The following NBPF20 variants were observed in gnomAD, a reference collection of about 807,000 sequenced individuals.
The protein encoded by NBPF20 is NBPF member 20.
A neutral mutation model predicts 68.1 loss-of-function variants in NBPF20; 90 were observed. The observed-to-expected ratio is 1.32, with a 90% CI of 1.11 to 1.58. The LOEUF is 1.58. Among genes scored for constraint, NBPF20 ranks in the 40% most tolerant of loss-of-function variants. The pLI is 0.00. For synonymous variants in NBPF20, 290 were observed against 228.1 expected, an observed-to-expected ratio of 1.27 and a Z score of -2.45; for missense variants, 816 against 601.2, an observed-to-expected ratio of 1.36 and a Z score of -3.74.
At chr1:145,406,487 TGCTTGGTGAATG>T (rs1662796038), upstream of NBPF20, among the ~76,000 whole-genome samples, 1 of 151,760 alleles carries the variant, frequency 6.6e-6, no homozygotes, top group Non-Finnish European at 1.5e-5. Context: ...GGGATGGAGT[TGCTTGGTGAATG>T]GGTAGAAAAT....
exon 2 of NBPF20, chr1:145,405,294 G>A (rs1373038484): frequency 1.3e-6 from 2 of 1,597,212 alleles, no homozygotes; most frequent in Non-Finnish European, 8.6e-7. Context: ...TGGCAGAAGA[G>A]GTGGAGTCAG....
chr1:145,292,148 G>C (rs2101396932), intron 137 of NBPF20, among the ~76,000 whole-genome samples: 4 of 149,876 alleles, frequency 2.7e-5, no homozygotes, highest in Middle Eastern at 6.8e-3. Flanking sequence ...TCGATGCAGT[G>C]GCCATGAGAG....
chr1:145,396,878 A>C (rs1662273249), intron 7 of NBPF20, among the ~76,000 whole-genome samples: 1 of 131,434 alleles, frequency 7.6e-6, no homozygotes, highest in Non-Finnish European at 1.6e-5. Flanking sequence ...TTAACTCATC[A>C]TTTAACATTA....
At chr1:145,407,537 A>G (rs1328256682), upstream of NBPF20, among the ~76,000 whole-genome samples, 2 of 147,402 alleles carry the variant, frequency 1.4e-5, no homozygotes, top group Non-Finnish European at 3.0e-5. Flanking sequence ...GTATATATAT[A>G]ATACGTGTAT....
chr1:145,377,637 G>A (rs1307390586), intron 29 of NBPF20, among the ~76,000 whole-genome samples, 199 bp from the exon 35 acceptor site: 1 of 142,094 alleles, frequency 7.0e-6, no homozygotes, highest in Non-Finnish European at 1.5e-5. Context: ...ACAGGGAGAG[G>A]GAGGGAGAGA....
chr1:145,407,391 C>T (rs1240393370), upstream of NBPF20, among the ~76,000 whole-genome samples: 3 of 141,176 alleles, frequency 2.1e-5, no homozygotes, highest in South Asian at 4.4e-4. Flanking sequence ...TATATATACA[C>T]GTGTATATAT....
intron 2 of NBPF20, among the ~76,000 whole-genome samples, chr1:145,403,717 A>T (rs1426200207): frequency 6.6e-6 from 1 of 151,932 alleles, no homozygotes; most frequent in Admixed American, 6.6e-5. Flanking sequence ...GGACTATGGG[A>T]CTGATGGTTT....
upstream of NBPF20, among the ~76,000 whole-genome samples, chr1:145,410,464 G>C (rs1478478220): frequency 6.6e-6 from 1 of 150,672 alleles, no homozygotes; most frequent in Non-Finnish European, 1.5e-5. Flanking sequence ...ACAGGCGCCC[G>C]CCACTACGCC....
Position 145,394,967 on chromosome 1 carries a change from G to T in NBPF20, c.991+11C>A. On this transcript the variant is annotated intron_variant, in intron 8 of 137. Coordinates refer to ENST00000369373, the Ensembl canonical transcript of NBPF20. ...ACTGGAGCTTTATCACCTTCACAGTGTAGTACTCACTGCCTATGTCAACAG... is the reference window on the plus strand; with the variant it reads ...ACTGGAGCTTTATCACCTTCACAGTTTAGTACTCACTGCCTATGTCAACAG... 1 of 1,612,010 alleles carries T rather than the reference G, an allele frequency of 6.2e-7. No homozygotes were observed. The highest frequency in any genetic ancestry group is 1.7e-5 in the Admixed American group (1 of 60,016).
intron 9 of NBPF20, 197 bp downstream of exon 14, chr1:145,393,687 G>A: frequency 2.1e-6 from 3 of 1,422,710 alleles, no homozygotes; most frequent in Non-Finnish European, 2.9e-6. Flanking sequence ...CTTTCACTAG[G>A]TTAGTAAATG....
chr1:145,397,382 C>T, intron 7 of NBPF20, among the ~76,000 whole-genome samples: 1 of 152,210 alleles, frequency 6.6e-6, no homozygotes, highest in Admixed American at 6.5e-5. Flanking sequence ...TACAGTCCCA[C>T]CAACAGTGTA....
chr1:145,407,462 CGTA>C (rs1300289162), upstream of NBPF20, among the ~76,000 whole-genome samples: 9 of 142,846 alleles, frequency 6.3e-5, no homozygotes, highest in Non-Finnish European at 1.2e-4. Context: ...CGTGTATACA[CGTA>C]TATATAATAT....
At chr1:145,292,153 TGA>T in intron 137 of NBPF20, among the ~76,000 whole-genome samples, 1 of 149,946 alleles carries the variant, frequency 6.7e-6, no homozygotes, top group Admixed American at 6.6e-5. Flanking sequence ...GCAGTGGCCA[TGA>T]GAGTACAGCT....
intron 112 of NBPF20, 125 bp downstream of exon 117, chr1:145,312,083 T>G (rs1661500509): frequency 2.8e-5 from 2 of 71,022 alleles, no homozygotes; most frequent in Non-Finnish European, 4.4e-5. Flanking sequence ...TCAACCTACA[T>G]GTGCCTATAG....
At chr1:145,402,450 A>T in intron 3 of NBPF20, 69 bp from the exon 9 acceptor site, 1 of 1,557,250 alleles carries the variant, frequency 6.4e-7, no homozygotes, top group Non-Finnish European at 8.8e-7. Context: ...ATTGCAACAG[A>T]GATTTCTGAG....
At chr1:145,405,479 G>A in exon 1 of NBPF20, 1 of 1,533,122 alleles carries the variant, frequency 6.5e-7, no homozygotes, top group Non-Finnish European at 8.7e-7. Flanking sequence ...GGTTCAAGGT[G>A]CCTCAACTCA....
At chr1:145,397,765 C>T (rs1399593076) in intron 7 of NBPF20, among the ~76,000 whole-genome samples, 2 of 152,060 alleles carry the variant, frequency 1.3e-5, no homozygotes, top group Non-Finnish European at 2.9e-5. Flanking sequence ...GGGCTAAATG[C>T]CCCAGTTAAA....
At chr1:145,290,592 C>A (rs1661004754) in exon 138 of NBPF20, 1 of 150,480 alleles carries the variant, frequency 6.6e-6, no homozygotes, top group Non-Finnish European at 1.5e-5. Context: ...ATTTGGGGTT[C>A]AAAATAACTA....
chr1:145,396,898 C>T (rs1662274301), intron 7 of NBPF20, among the ~76,000 whole-genome samples: 1 of 122,656 alleles, frequency 8.2e-6, no homozygotes, highest in Non-Finnish European at 1.7e-5. Context: ...AGGTATATCT[C>T]CTAATGCTAC....
Sources: gnomAD v4.1 joint callset for allele counts (sites outside exome capture counted in the v4.1 genomes callset) on GRCh38, gnomAD v4.1.1 for gene constraint, MANE v1.5 for transcripts, NCBI Gene and HGNC (gene_info 2026-07-23, HGNC 2026-07-21) for gene names.